CSMD2: variants seen among roughly 807,000 people sequenced by gnomAD.
CSMD2 encodes CUB and Sushi multiple domains 2, also known as CUB and sushi domain-containing protein 2.
Under a neutral mutation model 398.5 loss-of-function variants are expected in CSMD2, and 130 were observed. The observed-to-expected ratio is 0.33, with a 90% confidence interval of 0.28 to 0.38. CSMD2 has a LOEUF of 0.38. Among genes scored for constraint, CSMD2 ranks in the 10% least tolerant of loss-of-function variants. CSMD2 has a pLI of 1.00. For synonymous variants in CSMD2, 1,828 were observed against 1,908.5 expected, an observed-to-expected ratio of 0.96 and a Z score of 1.10; for missense variants, 3,829 against 4,764.9, an observed-to-expected ratio of 0.80 and a Z score of 5.78.
chr1:33,600,185 T>TG (rs1163273674), intron 44 of CSMD2: 1 of 716,074 alleles, frequency 1.4e-6, no homozygotes, highest in South Asian at 1.5e-5. Flanking sequence ...TGGCCCAAGG[T>TG]GGAGCTGGGA....
chr1:34,111,279 G>A (rs1176053254), intron 1 of CSMD2, among the ~76,000 whole-genome samples: 1 of 152,212 alleles, frequency 6.6e-6, no homozygotes, highest in East Asian at 1.9e-4. Flanking sequence ...ACCAGTTGGT[G>A]TGGCTCTGTC....
Position 33,636,608 on chromosome 1 carries a change from C to T in CSMD2, c.4775-54G>A. ...CACACACAGAGGGCTCATGAGGAGG[C>T]TATTCTTGGGCTCCAGTGCCCATGA... is the stretch of plus-strand genomic sequence containing the variant. On this transcript the variant is annotated intron_variant, in intron 29 of 70. Coordinates refer to ENST00000373381, the MANE Select transcript of CSMD2 (RefSeq NM_001281956.2). This position sits in a 1 kb window ranked among gnomAD's most constrained non-coding sequence, Gnocchi z 4.8. The T allele has an allele frequency of 1.3e-6, 2 of 1,517,600 alleles. No homozygotes were observed. The highest frequency in any genetic ancestry group is 1.8e-6 in the Non-Finnish European group (2 of 1,101,694). The allele number at this position is 1,517,600 out of a possible 1,614,324, so 94.0% of individuals were successfully genotyped here. A position where few individuals can be genotyped will look rare whatever the true frequency, so the allele number is the denominator to read the frequency against.
In CSMD2 at chr1:33,743,508, G is replaced by T; in HGVS notation, c.1945C>A (p.Leu649Met). The stretch of plus-strand genomic sequence containing the variant: ...TGGATGCGGCTCTCAGGCCTGGCCA[G>T]GATGAGCCAGACACAGTGGAGGTGG... ...GNHLHCVWLILARPESRIHLA... is the reference protein window; with the variant it reads ...GNHLHCVWLIMARPESRIHLA... The change falls in exon 14 of 71, where the codon CTG becomes ATG. Residue 649 changes from leucine (L) to methionine (M), a missense_variant. Physicochemically the swap from Leu to Met is conservative, Grantham distance 15. Transcript: ENST00000373381. 3.1e-6 allele frequency: 5 copies of T among 1,614,068 alleles called. No individual in the cohort carries two copies. The highest frequency in any genetic ancestry group is 4.2e-6 in the Non-Finnish European group (5 of 1,180,020).
rs1654049025 is a variant in CSMD2 at position 33,519,465 on chromosome 1, CGGCTGCTGGAGGCGG to C, written c.*38_*52del. The stretch of plus-strand genomic sequence containing the variant: ...GTCTTCCTCCCACACCCCTGCTCAC[CGGCTGCTGGAGGCGG>C]GGCTCTCGGTGGCGGTGGTGGCGGC... On this transcript the variant is annotated splice_region_variant and 3_prime_UTR_variant, in exon 70 of 71. Transcript: ENST00000373381. This position sits in a 1 kb window ranked among gnomAD's most constrained non-coding sequence, Gnocchi z 5.6. 3.8e-6 allele frequency: 6 copies of C among 1,579,638 alleles called. No individual in the cohort carries two copies. The South Asian group carries it at 6.7e-5, about 18-fold the overall frequency.
chr1:33,826,001 G>T (rs1326962384), intron 6 of CSMD2, among the ~76,000 whole-genome samples: 2 of 152,178 alleles, frequency 1.3e-5, no homozygotes, highest in Non-Finnish European at 2.9e-5. Flanking sequence ...CCAAAAATGT[G>T]GTCTCCTACT....
At chr1:33,572,813 A>C (rs2794602) in intron 49 of CSMD2, 122 bp from the exon 50 acceptor site, 310,681 of 656,854 alleles carry the variant, frequency 0.47, 76,293 homozygotes, top group Admixed American at 0.64. Context: ...AGGGTAAAGT[A>C]TCATAATAAA....
intron 5 of CSMD2, chr1:33,864,239 C>A (rs781458771): frequency 6.2e-7 from 1 of 1,612,726 alleles, no homozygotes; most frequent in Admixed American, 1.7e-5. Flanking sequence ...TCTCTTCTTA[C>A]GTTCACTTTT....
chr1:33,970,691 G>A (rs1041936980), intron 3 of CSMD2, among the ~76,000 whole-genome samples: 1 of 152,194 alleles, frequency 6.6e-6, no homozygotes, highest in African/African-American at 2.4e-5. Flanking sequence ...GTGCGTGCAG[G>A]GACAGGGCTG....
chr1:33,670,229 TC>T (rs1644450033), intron 25 of CSMD2, among the ~76,000 whole-genome samples: 1 of 152,202 alleles, frequency 6.6e-6, no homozygotes, highest in South Asian at 2.1e-4. Flanking sequence ...TCCATTGACT[TC>T]CCTGTCTTGC....
intron 3 of CSMD2, among the ~76,000 whole-genome samples, chr1:34,000,621 C>A (rs764644154): frequency 6.6e-6 from 1 of 152,088 alleles, no homozygotes; most frequent in Non-Finnish European, 1.5e-5. Context: ...TAGTAGGGAA[C>A]TAGCCAGAGA....
chr1:34,007,496 G>C (rs1457777460), intron 3 of CSMD2, among the ~76,000 whole-genome samples: 1 of 152,192 alleles, frequency 6.6e-6, no homozygotes, highest in African/African-American at 2.4e-5. Context: ...TGGGGAGGGA[G>C]TGAAGAAATG....
intron 1 of CSMD2, among the ~76,000 whole-genome samples, chr1:34,127,863 C>T (rs1030070264): frequency 2.0e-5 from 3 of 151,322 alleles, no homozygotes; most frequent in Non-Finnish European, 2.9e-5. Context: ...GGAGACTGGC[C>T]GGCCTTGGTA....
intron 68 of CSMD2, among the ~76,000 whole-genome samples, chr1:33,521,146 T>G (rs1570603994): frequency 6.6e-6 from 1 of 152,098 alleles, no homozygotes; most frequent in African/African-American, 2.4e-5. Flanking sequence ...GAGGCAGGGG[T>G]GACACCCAGG....
At position 33,633,682 on chromosome 1, in the gene CSMD2, A is replaced by C. The variant is rs1642612048; in HGVS notation, c.5087-147T>G. 2 of 630,678 alleles carry C rather than the reference A, an allele frequency of 3.2e-6. No homozygotes were observed. Among genetic ancestry groups the C allele is most frequent in the Admixed American group, 5.0e-5 (2 of 39,626 alleles). 39.1% of individuals were successfully genotyped at this position (630,678 alleles called of 1,614,324 possible). ...TGTGGCTTGCTGCACTGGTTAGTGC[A>C]GTGGCACAGTCTGGCAGTGGCCAGA... is the stretch of plus-strand genomic sequence containing the variant. On this transcript the variant is annotated intron_variant, in intron 31 of 70. Coordinates refer to ENST00000373381, the MANE Select transcript of CSMD2 (RefSeq NM_001281956.2). This position sits in a 1 kb window ranked among gnomAD's most constrained non-coding sequence, Gnocchi z 5.0.
intron 44 of CSMD2, among the ~76,000 whole-genome samples, chr1:33,597,269 CT>C (rs984321019): frequency 1.3e-5 from 2 of 151,512 alleles, no homozygotes. Context: ...AGTCTAGCTC[CT>C]TTTTTTTTCT....
At chr1:34,144,169 T>G (rs1639558893) in intron 1 of CSMD2, among the ~76,000 whole-genome samples, 1 of 152,162 alleles carries the variant, frequency 6.6e-6, no homozygotes, top group Admixed American at 6.5e-5. Flanking sequence ...GTGGGGCTCC[T>G]ACCATTCCTC....
chr1:33,726,448 G>A, intron 16 of CSMD2, 99 bp downstream of exon 16: 1 of 1,361,222 alleles, frequency 7.3e-7, no homozygotes, highest in Non-Finnish European at 1.0e-6. Context: ...TGACATTTCA[G>A]CGTTGGTACT....
chr1:33,546,884 T>A (rs1656956537), intron 56 of CSMD2, among the ~76,000 whole-genome samples: 1 of 152,322 alleles, frequency 6.6e-6, no homozygotes, highest in Admixed American at 6.5e-5. Context: ...TATTACTTTT[T>A]AAAAAGTTTC....
intron 3 of CSMD2, among the ~76,000 whole-genome samples, chr1:33,967,753 A>T (rs1459387837): frequency 6.6e-6 from 1 of 152,232 alleles, no homozygotes; most frequent in African/African-American, 2.4e-5. Flanking sequence ...AGAAGAGCCC[A>T]GATCACATTC....
Sources: allele counts gnomAD v4.1 joint callset (sites outside exome capture counted in the v4.1 genomes callset), GRCh38; gene constraint gnomAD v4.1.1; non-coding constraint Gnocchi (gnomAD v3.1); transcripts MANE v1.5; gene names NCBI Gene and HGNC (gene_info 2026-07-23, HGNC 2026-07-21).